Variants in CAST observed in about 807,000 individuals in gnomAD.
The protein encoded by CAST is MIR583 host.
Under a neutral mutation model 119.6 loss-of-function variants are expected in CAST, and 76 were observed. The observed-to-expected ratio is 0.64, with a 90% confidence interval of 0.53 to 0.77. The LOEUF is 0.77. Among genes scored for constraint, CAST ranks in the 30% least tolerant of loss-of-function variants. The pLI is 0.00. For missense variants in CAST, 953 were observed against 946.5 expected (o/e 1.01, Z -0.09); for synonymous variants, 319 against 331.6 (o/e 0.96, Z 0.41).
the CAST span, among the ~76,000 whole-genome samples, chr5:96,024,920 C>A: frequency 6.6e-6 from 1 of 152,062 alleles, no homozygotes; most frequent in Non-Finnish European, 1.5e-5. Flanking sequence ...GAGGTCAGGC[C>A]TTCTGGCATG....
chr5:96,439,668 C>T, the CAST span, among the ~76,000 whole-genome samples: 1 of 152,158 alleles, frequency 6.6e-6, no homozygotes, highest in Non-Finnish European at 1.5e-5. Flanking sequence ...GCTTCACACC[C>T]CCGAACCAAC....
At chr5:96,689,458 G>A (rs777551735) in intron 2 of CAST, among the ~76,000 whole-genome samples, 5 of 152,190 alleles carry the variant, frequency 3.3e-5, no homozygotes, top group African/African-American at 4.8e-5. Context: ...TGGCAGGAAA[G>A]GAAGAGAATA....
At chr5:96,082,488 C>G in the CAST span, among the ~76,000 whole-genome samples, 2 of 152,154 alleles carry the variant, frequency 1.3e-5, no homozygotes, top group Non-Finnish European at 2.9e-5. Flanking sequence ...CACCAGACTG[C>G]CTTGCCAGGT....
the CAST span, among the ~76,000 whole-genome samples, chr5:96,094,292 G>A: frequency 6.6e-6 from 1 of 152,156 alleles, no homozygotes; most frequent in Non-Finnish European, 1.5e-5. Flanking sequence ...ATTTGGCATT[G>A]AGAGAGTGGC....
intron 1 of CAST, among the ~76,000 whole-genome samples, chr5:96,556,435 C>T (rs1186573520): frequency 1.3e-5 from 2 of 152,040 alleles, no homozygotes; most frequent in Non-Finnish European, 2.9e-5. Context: ...AAGTGCGAAC[C>T]CATGGCAAAG....
the CAST span, among the ~76,000 whole-genome samples, chr5:96,485,644 G>A: frequency 2.4e-4 from 36 of 152,226 alleles, no homozygotes; most frequent in African/African-American, 7.7e-4. Context: ...GCTGGCCTTA[G>A]AAGTCAGAGA....
rs113070166 is a variant in CAST at position 96,561,374 on chromosome 5, A to C, written c.60+31494A>C. Among the ~76,000 whole-genome samples, 1,314 of 150,774 alleles carry C rather than the reference A, an allele frequency of 8.7e-3. 17 individuals carry two copies. The highest frequency in any genetic ancestry group is 0.031 in the African/African-American group (1,259 of 41,212). ...GTATAATAAAAAAAAGAAAAAAAGG[A>C]AAATAAAAAAATTAAAAAGAATGAG... is the stretch of plus-strand genomic sequence containing the variant. On this transcript the variant is annotated intron_variant, in intron 1 of 11. Transcript: ENST00000505143.
the CAST span, among the ~76,000 whole-genome samples, chr5:96,419,250 A>G: frequency 6.6e-6 from 1 of 150,752 alleles, no homozygotes; most frequent in Non-Finnish European, 1.5e-5. Context: ...ATAGATAAAT[A>G]ATCTACCTCA....
Position 96,727,526 on chromosome 5 carries a change from C to T in CAST, c.374C>T (p.Thr125Ile), listed in dbSNP as rs113496936. 2 of 1,557,412 alleles carry T rather than the reference C, an allele frequency of 1.3e-6. No individual in the cohort carries two copies. The highest frequency in any genetic ancestry group is 1.8e-5 in the Admixed American group (1 of 55,208). Reference protein sequence around the residue: ...KTEPEKKSQSTKLSVVHEKKS... With the variant: ...KTEPEKKSQSIKLSVVHEKKS... ...GAACCTGAGAAGAAGTCACAGTCAA[C>T]CAAGGTAAATAGTTTAAGTCTGTTA... Residue 125 changes from threonine (T) to isoleucine (I), a missense_variant, in exon 6 of 32, where the codon ACC becomes ATC. Physicochemically the swap from Thr to Ile is moderately conservative, Grantham distance 89. Transcript: ENST00000675179.
the CAST span, among the ~76,000 whole-genome samples, chr5:96,474,933 T>C: frequency 6.6e-6 from 1 of 152,202 alleles, no homozygotes; most frequent in Non-Finnish European, 1.5e-5. Flanking sequence ...CAAATAACTA[T>C]GCTATTTAGC....
chr5:96,680,286 C>T lies in CAST; in HGVS notation c.138+4685C>T, dbSNP rs546918155. ...AGGAGAATTGCTTGAACCTGGGAGG[C>T]GGAGGTTGCAGGGAGCCAAGATCAC... On this transcript the variant is annotated intron_variant, in intron 2 of 31. Coordinates refer to ENST00000675179, the MANE Select transcript of CAST (RefSeq NM_001750.7). Among the ~76,000 whole-genome samples, 5 of 130,676 alleles carry T rather than the reference C, an allele frequency of 3.8e-5. No individual in the cohort carries two copies. The East Asian group carries it at 1.0e-3, about 27-fold the overall frequency. 85.7% of individuals were successfully genotyped at this position (130,676 alleles called of 152,430 possible).
Position 96,762,287 on chromosome 5 carries a change from C to T in CAST, c.1847C>T (p.Ala616Val). The T allele has an allele frequency of 1.2e-6, 2 of 1,606,124 alleles. No homozygotes were observed. Among genetic ancestry groups the T allele is most frequent in the Non-Finnish European group, 1.7e-6 (2 of 1,177,568 alleles). ...QNASSLKFED[A>V]KLAAAISEVV... is the part of the protein sequence containing the mutation. The stretch of plus-strand genomic sequence containing the variant: ...TTTCAATAAAAGAAATTTGAAGATG[C>T]TAAACTTGCTGCTGCCATCTCTGAA... The change falls in exon 25 of 32, where the codon GCT (alanine) becomes GTT (valine). Residue 616 changes from alanine (A) to valine (V), a missense_variant. Physicochemically the swap from Ala to Val is moderately conservative, Grantham distance 64. Coordinates refer to ENST00000675179, the MANE Select transcript of CAST (RefSeq NM_001750.7).
At chr5:96,516,329 C>T in the CAST span, among the ~76,000 whole-genome samples, 2 of 151,914 alleles carry the variant, frequency 1.3e-5, no homozygotes, top group Non-Finnish European at 2.9e-5. Flanking sequence ...ATCTCCCACA[C>T]TCCTGAATAA....
At chr5:96,476,843 C>T in the CAST span, among the ~76,000 whole-genome samples, 1 of 150,902 alleles carries the variant, frequency 6.6e-6, no homozygotes, top group Non-Finnish European at 1.5e-5. Flanking sequence ...TGCACATGCA[C>T]TTCACAGTCA....
chr5:96,397,037 AG>A, the CAST span, among the ~76,000 whole-genome samples: 1 of 152,244 alleles, frequency 6.6e-6, no homozygotes, highest in South Asian at 2.1e-4. Context: ...TTGGCTGAAT[AG>A]GTTAGATGGC....
chr5:96,375,827 A>G, the CAST span, among the ~76,000 whole-genome samples: 2 of 151,054 alleles, frequency 1.3e-5, no homozygotes, highest in South Asian at 4.2e-4. Flanking sequence ...CTACTGGCCT[A>G]TCCTTTGAGT....
At chr5:96,714,999 A>G (rs1756942971) in intron 3 of CAST, 1 of 151,970 alleles carries the variant, frequency 6.6e-6, no homozygotes, top group Admixed American at 6.6e-5. Context: ...TTGGATTTAG[A>G]TCACAGATCA....
the CAST span, among the ~76,000 whole-genome samples, chr5:96,092,955 C>T: frequency 3.5e-3 from 539 of 152,214 alleles, 2 homozygotes; most frequent in African/African-American, 4.5e-3. Context: ...AATCATTGTT[C>T]GGCGATTTTT....
rs542048737 is a variant in CAST, at chr5:96,759,294, G to A, written c.1833+1640G>A. Among the ~76,000 whole-genome samples, 239 of 152,174 alleles carry A rather than the reference G, an allele frequency of 1.6e-3. 1 individual carries two copies. Among genetic ancestry groups the A allele is most frequent in the African/African-American group, 5.5e-3 (229 of 41,514 alleles). ...ATCTGTAAAAGAGTAGCTCCTGTAC[G>A]TACCATGCTCTTTGATATAATAGAA... is the stretch of plus-strand genomic sequence containing the variant. On this transcript the variant is annotated intron_variant, in intron 24 of 31. Coordinates refer to ENST00000675179, the MANE Select transcript of CAST (RefSeq NM_001750.7).
Sources: allele counts gnomAD v4.1 joint callset (sites outside exome capture counted in the v4.1 genomes callset), GRCh38; gene constraint gnomAD v4.1.1; transcripts MANE v1.5; gene names NCBI Gene and HGNC (gene_info 2026-07-23, HGNC 2026-07-21).